TEK: variants seen among roughly 807,000 people sequenced by gnomAD.
TEK encodes TEK receptor tyrosine kinase.
A neutral mutation model predicts 131.8 loss-of-function variants in TEK; 43 were observed. That is an observed-to-expected ratio of 0.33 (90% confidence interval 0.26 to 0.42). The LOEUF is 0.42. Ranked by LOEUF, TEK falls within the 10% of genes least tolerant of loss-of-function variation. TEK has a pLI of 1.00. For synonymous variants in TEK, 580 were observed against 491.6 expected (o/e 1.18, Z -2.38); for missense variants, 1,162 against 1,384.4 (o/e 0.84, Z 2.55).
chr9:27,144,911 T>TA (rs1233266722), intron 1 of TEK, among the ~76,000 whole-genome samples: 1 of 152,124 alleles, frequency 6.6e-6, no homozygotes, highest in Non-Finnish European at 1.5e-5. Flanking sequence ...AGCAAAATAT[T>TA]GGGAGAGTAT....
chr9:27,225,589 C>G (rs1587058054), intron 21 of TEK, among the ~76,000 whole-genome samples: 1 of 152,128 alleles, frequency 6.6e-6, no homozygotes, highest in Admixed American at 6.6e-5. Context: ...AAAATTAACT[C>G]GAGATGGATT....
At chr9:27,109,715 C>A in intron 1 of TEK, 73 bp downstream of exon 1, 2 of 1,468,774 alleles carry the variant, frequency 1.4e-6, no homozygotes, top group South Asian at 1.2e-5. Context: ...GTGCTCTCCC[C>A]AAATCTCATC....
At chr9:27,220,292 A>AAAAGGGGAGGGG (rs1826010565) in intron 21 of TEK, 147 bp downstream of exon 21, 4 of 703,570 alleles carry the variant, frequency 5.7e-6, no homozygotes, top group Non-Finnish European at 1.0e-5. Context: ...CTCCCCTTTT[A>AAAAGGGGAGGGG]TTCACCTAAT....
Position 27,158,055 on chromosome 9 carries a change from G to A in TEK, c.277G>A (p.Ala93Thr). 1 of 1,614,116 alleles carries A rather than the reference G, an allele frequency of 6.2e-7. No homozygotes were observed. Among genetic ancestry groups the A allele is most frequent in the Non-Finnish European group, 8.5e-7 (1 of 1,180,024 alleles). The change falls in exon 2 of 23, where the codon GCT (alanine) becomes ACT (threonine). Residue 93 changes from alanine (A) to threonine (T), a missense_variant. Transcript: ENST00000380036. The part of the protein sequence containing the change: ...AKKVVWKREK[A>T]SKINGAYFCE... Reference sequence around the variant, plus strand: ...AAAAGTTGTTTGGAAGAGAGAAAAGGCTAGTAAGATCAATGGTGCTTATTT... The same window carrying A: ...AAAAGTTGTTTGGAAGAGAGAAAAGACTAGTAAGATCAATGGTGCTTATTT...
intron 2 of TEK, among the ~76,000 whole-genome samples, chr9:27,167,166 T>A (rs1823760745): frequency 6.6e-6 from 1 of 152,210 alleles, no homozygotes; most frequent in African/African-American, 2.4e-5. Flanking sequence ...GCCAAGGGAA[T>A]CAGTCAATGT....
chr9:27,153,169 G>A (rs1823194065), intron 1 of TEK, among the ~76,000 whole-genome samples: 1 of 152,154 alleles, frequency 6.6e-6, no homozygotes, highest in Non-Finnish European at 1.5e-5. Flanking sequence ...AGTGTTTGAG[G>A]CTGGGCGCAT....
chr9:27,180,216 GT>G, intron 6 of TEK, 23 bp from the exon 7 acceptor site: 3 of 1,613,402 alleles, frequency 1.9e-6, no homozygotes, highest in South Asian at 2.2e-5. Context: ...ATTAATACTG[GT>G]TTTTTGATGT....
chr9:27,109,397 C>T lies in TEK; in HGVS notation c.-194C>T, dbSNP rs966631847. ...CTACAAAGGAAACAGGAAAAAGGAA[C>T]TTAAAACTCCCTGTGCTCAGACAGA... On this transcript the variant is annotated 5_prime_UTR_variant, in exon 1 of 23. Coordinates refer to ENST00000380036, the MANE Select transcript of TEK (RefSeq NM_000459.5). 10 of 674,328 alleles carry T rather than the reference C, an allele frequency of 1.5e-5. No individual in the cohort carries two copies. Among genetic ancestry groups the T allele is most frequent in the African/African-American group, 1.3e-4 (7 of 55,548 alleles). 41.8% of individuals were successfully genotyped at this position (674,328 alleles called of 1,614,324 possible).
chr9:27,176,392 A>G (rs1042712665), intron 6 of TEK, among the ~76,000 whole-genome samples: 1 of 152,104 alleles, frequency 6.6e-6, no homozygotes, highest in South Asian at 2.1e-4. Context: ...TCTAGAAACT[A>G]AAAAAATCAA....
intron 15 of TEK, 33 bp downstream of exon 15, chr9:27,206,825 G>A (rs565641008): frequency 1.2e-5 from 19 of 1,605,002 alleles, no homozygotes; most frequent in Middle Eastern, 3.5e-4. Flanking sequence ...TCAGCATTGC[G>A]TGAGGGTGTG....
intron 1 of TEK, among the ~76,000 whole-genome samples, chr9:27,111,990 C>T (rs966027884): frequency 5.3e-5 from 8 of 151,766 alleles, no homozygotes; most frequent in African/African-American, 1.7e-4. Flanking sequence ...CCTCCGCCTC[C>T]CAGGTTCACG....
chr9:27,126,839 G>A (rs1036529533), intron 1 of TEK, among the ~76,000 whole-genome samples: 2 of 152,164 alleles, frequency 1.3e-5, no homozygotes, highest in South Asian at 4.1e-4. Flanking sequence ...TCACTGTACA[G>A]TGTAACCCAG....
chr9:27,205,939 GAGA>G (rs1825383568), intron 14 of TEK, among the ~76,000 whole-genome samples: 1 of 150,146 alleles, frequency 6.7e-6, no homozygotes, highest in South Asian at 2.1e-4. Flanking sequence ...GCTGTCGCTG[GAGA>G]AGAAGGGCCA....
intron 18 of TEK, among the ~76,000 whole-genome samples, chr9:27,213,911 G>T (rs1414715030): frequency 6.6e-6 from 1 of 152,192 alleles, no homozygotes; most frequent in East Asian, 1.9e-4. Flanking sequence ...CCTCTGAGGA[G>T]CTTGCACAAT....
chr9:27,189,662 G>A (rs1414758796), intron 9 of TEK, among the ~76,000 whole-genome samples: 1 of 152,140 alleles, frequency 6.6e-6, no homozygotes, highest in African/African-American at 2.4e-5. Context: ...AGACTTTGAA[G>A]GGATAGGAAG....
At chr9:27,213,094 A>G (rs1318626784) in intron 17 of TEK, among the ~76,000 whole-genome samples, 197 bp downstream of exon 17, 1 of 152,232 alleles carries the variant, frequency 6.6e-6, no homozygotes, top group Non-Finnish European at 1.5e-5. Flanking sequence ...AGCAATTTTC[A>G]TAATTATGAA....
At chr9:27,155,947 C>T (rs1401864154) in intron 1 of TEK, among the ~76,000 whole-genome samples, 2 of 151,870 alleles carry the variant, frequency 1.3e-5, no homozygotes, top group African/African-American at 4.8e-5. Context: ...GGATTACAGG[C>T]ACCCACCACC....
chr9:27,221,565 A>G (rs1302022042), intron 21 of TEK, among the ~76,000 whole-genome samples: 1 of 152,118 alleles, frequency 6.6e-6, no homozygotes, highest in Non-Finnish European at 1.5e-5. Context: ...TCTGGGATGA[A>G]CCCAGGCAGC....
chr9:27,145,471 A>G (rs1822881637), intron 1 of TEK, among the ~76,000 whole-genome samples: 1 of 152,196 alleles, frequency 6.6e-6, no homozygotes, highest in African/African-American at 2.4e-5. Flanking sequence ...ACAGGCCATA[A>G]TTTCACACAG....
Sources: allele counts gnomAD v4.1 joint callset (sites outside exome capture counted in the v4.1 genomes callset), GRCh38; gene constraint gnomAD v4.1.1; transcripts MANE v1.5; gene names NCBI Gene and HGNC (gene_info 2026-07-23, HGNC 2026-07-21).